Variants in NKD1 observed in about 807,000 individuals in gnomAD.
NKD1 encodes NKD inhibitor of Wnt signaling pathway 1.
In NKD1, 21 loss-of-function variants were observed where a neutral mutation model predicts 56.0. The ratio of observed to expected loss-of-function variants is 0.38; its 90% CI spans 0.27 to 0.54. NKD1 has a LOEUF of 0.54. Among genes scored for constraint, NKD1 ranks in the 20% least tolerant of loss-of-function variants. The pLI, the probability that NKD1 is intolerant of heterozygous loss-of-function variation, is 0.82. For synonymous variants in NKD1, 263 were observed against 265.7 expected (o/e 0.99, Z 0.10); for missense variants, 578 against 642.7 (o/e 0.90, Z 1.09).
intron 7 of NKD1, 43 bp downstream of exon 7, chr16:50,630,376 T>A (rs1351031005): frequency 6.2e-7 from 1 of 1,607,322 alleles, no homozygotes; most frequent in Non-Finnish European, 8.5e-7. Flanking sequence ...TGTCCTCCCA[T>A]CTCAGGAAGG....
At chr16:50,609,067 T>A (rs953625573) in intron 4 of NKD1, among the ~76,000 whole-genome samples, 1 of 152,238 alleles carries the variant, frequency 6.6e-6, no homozygotes, top group Non-Finnish European at 1.5e-5. Context: ...TCGAGTGACC[T>A]TCCCACCTTG....
At chr16:50,579,189 C>T (rs1372546229) in intron 3 of NKD1, among the ~76,000 whole-genome samples, 1 of 151,254 alleles carries the variant, frequency 6.6e-6, no homozygotes, top group Non-Finnish European at 1.5e-5. Context: ...CTTACTCCTG[C>T]AGGCTACCCG....
chr16:50,613,917 G>C (rs1596743982), intron 4 of NKD1, among the ~76,000 whole-genome samples: 1 of 151,994 alleles, frequency 6.6e-6, no homozygotes, highest in East Asian at 1.9e-4. Flanking sequence ...GCTCTGATGA[G>C]GAAAAAAAGG....
intron 3 of NKD1, among the ~76,000 whole-genome samples, chr16:50,591,361 C>T (rs1961363539): frequency 6.6e-6 from 1 of 152,218 alleles, no homozygotes; most frequent in Admixed American, 6.5e-5. Flanking sequence ...GAAGCATTCA[C>T]ATCCACACTT....
At chr16:50,621,464 C>A in intron 4 of NKD1, 138 bp from the exon 5 acceptor site, 1 of 596,548 alleles carries the variant, frequency 1.7e-6, no homozygotes, top group East Asian at 2.9e-5. Flanking sequence ...TTGACCCCAG[C>A]AAATGGGCAG....
At chr16:50,620,097 A>G (rs1962052329) in intron 4 of NKD1, among the ~76,000 whole-genome samples, 2 of 152,248 alleles carry the variant, frequency 1.3e-5, no homozygotes, top group African/African-American at 4.8e-5. Flanking sequence ...ATGAGGATGG[A>G]CTTGGTAAAC....
chr16:50,615,499 G>T lies in NKD1; in HGVS notation c.260-6103G>T, dbSNP rs146368449. 4.3e-4 allele frequency among the ~76,000 whole-genome samples: 65 copies of T among 152,332 alleles called. 1 individual carries two copies. The highest frequency in any genetic ancestry group is 1.5e-3 in the African/African-American group (62 of 41,566). On this transcript the variant is annotated intron_variant, in intron 4 of 9. Transcript: ENST00000268459. ...GCTCAGAGGAAGGGAGGCTTAAACT[G>T]AAGACCTGAAGGATGAGTGGGAATT...
rs751148075 is a variant in NKD1 at position 50,621,591 on chromosome 16, C to T, written c.260-11C>T. ...CTGCTCCTAATGCTCCCTCGCCTGCCTCCCCGACAGTGGCCCTGCCTCCTG... is the reference window on the plus strand; with the variant it reads ...CTGCTCCTAATGCTCCCTCGCCTGCTTCCCCGACAGTGGCCCTGCCTCCTG... On this transcript the variant is annotated splice_polypyrimidine_tract_variant and intron_variant, in intron 4 of 9. Coordinates refer to ENST00000268459, the MANE Select transcript of NKD1 (RefSeq NM_033119.5). 1.2e-6 allele frequency: 2 copies of T among 1,607,770 alleles called. No individual in the cohort carries two copies. Among genetic ancestry groups the T allele is most frequent in the East Asian group, 2.2e-5 (1 of 44,814 alleles).
At chr16:50,625,644 C>A in intron 6 of NKD1, 64 bp downstream of exon 6, 1 of 987,654 alleles carries the variant, frequency 1.0e-6, no homozygotes, top group Non-Finnish European at 1.6e-6. Context: ...CTGGGCACAG[C>A]ACCCTGCCAC....
In NKD1 at chr16:50,647,584, G is replaced by A. The variant is rs188260880; in HGVS notation, c.*13803G>A. ...GGGAAGTTCCACTCCAGGAGCCCAC[G>A]TGGAACATACCTCAGAGTTATCCCA... On this transcript the variant is annotated 3_prime_UTR_variant, in exon 10 of 10. Transcript: ENST00000268459. 7.9e-5 allele frequency: 12 copies of A among 152,286 alleles called. No individual in the cohort carries two copies. The East Asian group carries it at 1.9e-3, about 25-fold the overall frequency. The allele number at this position is 152,286 out of a possible 1,614,324, so 9.4% of individuals were successfully genotyped here.
chr16:50,621,727 C>A lies in NKD1; in HGVS notation c.366+19C>A, dbSNP rs546990839. ...GTTTGAAGTAAGTTTCCTTTTGGTG[C>A]TGGGTCCTGAGGAGATGAGATGGGT... On this transcript the variant is annotated intron_variant, in intron 5 of 9. Coordinates refer to ENST00000268459, the MANE Select transcript of NKD1 (RefSeq NM_033119.5). The A allele has an allele frequency of 6.9e-6, 11 of 1,590,698 alleles. No individual in the cohort carries two copies. The highest frequency in any genetic ancestry group is 9.5e-6 in the Non-Finnish European group (11 of 1,160,884).
intron 4 of NKD1, among the ~76,000 whole-genome samples, chr16:50,620,937 A>T (rs1596750388): frequency 6.6e-6 from 1 of 152,138 alleles, no homozygotes; most frequent in Non-Finnish European, 1.5e-5. Flanking sequence ...TGCTCCCTGA[A>T]GATGCCTTTT....
chr16:50,606,001 G>A (rs962131154), intron 3 of NKD1: 1 of 152,106 alleles, frequency 6.6e-6, no homozygotes, highest in Non-Finnish European at 1.5e-5. Context: ...AAAGCTCTAG[G>A]AACATGCACG....
At position 50,625,380 on chromosome 16, in the gene NKD1, G is replaced by A. The variant is rs1962186200; in HGVS notation, c.367-105G>A. The A allele has an allele frequency of 6.3e-6, 5 of 787,464 alleles. 1 individual carries two copies. In the Middle Eastern group the frequency reaches 1.0e-3, roughly 159 times the overall value. The allele number at this position is 787,464 out of a possible 1,614,324, so 48.8% of individuals were successfully genotyped here. On this transcript the variant is annotated intron_variant, in intron 5 of 9. Transcript: ENST00000268459. ...CCACTCAAGGTCTGGGGAGGGCAGAGGACAGGTGGCCGCCCCTTGGCCTGG... is the reference window on the plus strand; with the variant it reads ...CCACTCAAGGTCTGGGGAGGGCAGAAGACAGGTGGCCGCCCCTTGGCCTGG...
chr16:50,633,612 G>A lies in NKD1; in HGVS notation c.1244G>A (p.Gly415Asp). 6.2e-7 allele frequency: 1 copy of A among 1,610,444 alleles called. No homozygotes were observed. The highest frequency in any genetic ancestry group is 8.5e-7 in the Non-Finnish European group (1 of 1,179,018). The change falls in exon 10 of 10, where the codon GGC becomes GAC. Residue 415 changes from glycine (G) to aspartate (D), a missense_variant. Physicochemically the swap from Gly to Asp is moderately conservative, Grantham distance 94. Transcript: ENST00000268459. This position sits in a 1 kb window ranked among gnomAD's most constrained non-coding sequence, Gnocchi z 4.9. Reference sequence around the variant, plus strand: ...AAGGAGAGCCAGCAGGGCTGCCGGGGCCTGCAGGCACCACTGGCCTCAGGT... The same window carrying A: ...AAGGAGAGCCAGCAGGGCTGCCGGGACCTGCAGGCACCACTGGCCTCAGGT... Reference protein sequence around the residue: ...RAKESQQGCRGLQAPLASGGP... With the variant: ...RAKESQQGCRDLQAPLASGGP...
chr16:50,569,563 A>T (rs1960837667), intron 3 of NKD1, among the ~76,000 whole-genome samples: 1 of 152,138 alleles, frequency 6.6e-6, no homozygotes, highest in African/African-American at 2.4e-5. Context: ...GGCAAAATCC[A>T]TGGTCTGTCA....
At chr16:50,565,983 C>T (rs1960750537) in intron 3 of NKD1, 2 of 168,350 alleles carry the variant, frequency 1.2e-5, no homozygotes, top group Non-Finnish European at 2.4e-5. Flanking sequence ...TCTGCTTCCA[C>T]CCCTTGCCCT....
intron 3 of NKD1, among the ~76,000 whole-genome samples, chr16:50,597,714 T>C (rs1180017893): frequency 3.9e-5 from 6 of 152,140 alleles, no homozygotes; most frequent in Admixed American, 1.3e-4. Context: ...CCTCTCACCT[T>C]CTCGGCTTTT....
At chr16:50,580,488 AG>A (rs1961094499) in intron 3 of NKD1, among the ~76,000 whole-genome samples, 2 of 152,240 alleles carry the variant, frequency 1.3e-5, no homozygotes, top group Admixed American at 6.5e-5. Context: ...CAAGAGAATA[AG>A]GGTACTCAAA....
Sources: gnomAD v4.1 joint callset for allele counts (sites outside exome capture counted in the v4.1 genomes callset) on GRCh38, gnomAD v4.1.1 for gene constraint, Gnocchi (gnomAD v3.1) non-coding constraint, MANE v1.5 for transcripts, NCBI Gene and HGNC (gene_info 2026-07-23, HGNC 2026-07-21) for gene names.